Variants in SLC44A1 observed in about 807,000 individuals in gnomAD.
SLC44A1 encodes the protein choline transporter-like protein 1.
In SLC44A1, 26 loss-of-function variants were observed where a neutral mutation model predicts 79.3. The observed-to-expected ratio is 0.33, with a 90% CI of 0.24 to 0.46. The LOEUF (loss-of-function observed/expected upper bound fraction) is 0.46. SLC44A1 is among the 20% of genes least tolerant of loss of function. SLC44A1 has a pLI of 1.00. For missense variants in SLC44A1, 688 were observed against 798.1 expected (o/e 0.86, Z 1.66); for synonymous variants, 263 against 286.2 (o/e 0.92, Z 0.82).
intron 13 of SLC44A1, among the ~76,000 whole-genome samples, chr9:105,378,002 C>G (rs1828347196): frequency 6.6e-6 from 1 of 152,186 alleles, no homozygotes; most frequent in African/African-American, 2.4e-5. Context: ...AATCCCAACA[C>G]TTTGGGAGGC....
At chr9:105,409,684 T>A (rs1829071392) in intron 15 of SLC44A1, among the ~76,000 whole-genome samples, 1 of 152,068 alleles carries the variant, frequency 6.6e-6, no homozygotes, top group Non-Finnish European at 1.5e-5. Context: ...AAAATAAGCA[T>A]ATGTGCATCT....
At chr9:105,319,739 T>C (rs1436001318) in intron 3 of SLC44A1, among the ~76,000 whole-genome samples, 1 of 152,194 alleles carries the variant, frequency 6.6e-6, no homozygotes, top group African/African-American at 2.4e-5. Flanking sequence ...CTCCCAGAAG[T>C]GAAGGGCAAA....
intron 9 of SLC44A1, among the ~76,000 whole-genome samples, chr9:105,364,058 T>TG (rs1442875986): frequency 6.6e-6 from 1 of 152,234 alleles, no homozygotes; most frequent in African/African-American, 2.4e-5. Flanking sequence ...CACTCAGACT[T>TG]TCTTACAGCC....
At chr9:105,264,320 C>T (rs570704185) in intron 1 of SLC44A1, among the ~76,000 whole-genome samples, 39 of 152,246 alleles carry the variant, frequency 2.6e-4, no homozygotes, top group Non-Finnish European at 4.1e-4. Context: ...TGCACCACCA[C>T]GCCTAGCTGA....
chr9:105,247,193 G>GT (rs1328557605), intron 1 of SLC44A1, among the ~76,000 whole-genome samples: 2 of 151,942 alleles, frequency 1.3e-5, no homozygotes, highest in South Asian at 2.1e-4. Context: ...AGCATTACCA[G>GT]TTTTAGAATA....
chr9:105,378,077 G>A (rs962207867), intron 13 of SLC44A1, among the ~76,000 whole-genome samples: 3 of 152,090 alleles, frequency 2.0e-5, no homozygotes, highest in African/African-American at 4.8e-5. Context: ...GGGAAACCCC[G>A]TCTCCACTGA....
rs1208599892 is a variant in SLC44A1, at chr9:105,390,578, A to G, written c.*1522A>G. On this transcript the variant is annotated 3_prime_UTR_variant, in exon 16 of 16. Transcript: ENST00000374720. ...ATACAAGTAATGTCACTAGGGCTTA[A>G]TAAGCAGCCGTTTGCTAATGTGCTT... 1.0e-6 allele frequency: 1 copy of G among 985,748 alleles called. No homozygotes were observed. The highest frequency in any genetic ancestry group is 1.2e-6 in the Non-Finnish European group (1 of 829,934). 61.1% of individuals were successfully genotyped at this position (985,748 alleles called of 1,614,324 possible).
chr9:105,325,481 A>G (rs926252187), intron 3 of SLC44A1, among the ~76,000 whole-genome samples: 6 of 152,230 alleles, frequency 3.9e-5, no homozygotes, highest in African/African-American at 1.4e-4. Context: ...TGGAGGTTCT[A>G]CATCTCATGA....
At chr9:105,329,219 G>GCCTGT (rs1826676967) in intron 3 of SLC44A1, among the ~76,000 whole-genome samples, 2 of 152,206 alleles carry the variant, frequency 1.3e-5, no homozygotes, top group Non-Finnish European at 2.9e-5. Context: ...ATTGATATGA[G>GCCTGT]GTAATAATTG....
Position 105,389,814 on chromosome 9 carries a change from G to A in SLC44A1, c.*758G>A. ...CTTTCTTTCCTTTTTGACTTTAGTA[G>A]CATCCTCCACACATTTGTGTGCCTG... is the stretch of plus-strand genomic sequence containing the variant. On this transcript the variant is annotated 3_prime_UTR_variant, in exon 16 of 16. Coordinates refer to ENST00000374720, the MANE Select transcript of SLC44A1 (RefSeq NM_080546.5). 7.2e-7 allele frequency: 1 copy of A among 1,384,648 alleles called. No individual in the cohort carries two copies. Among genetic ancestry groups the A allele is most frequent in the South Asian group, 1.9e-5 (1 of 53,922 alleles). 85.8% of individuals were successfully genotyped at this position (1,384,648 alleles called of 1,614,324 possible).
chr9:105,385,377 C>T, intron 14 of SLC44A1, 45 bp from the exon 15 acceptor site: 1 of 1,390,118 alleles, frequency 7.2e-7, no homozygotes, highest in Non-Finnish European at 1.0e-6. Flanking sequence ...ACTAACAAAT[C>T]TGAAAGGACC....
At chr9:105,337,250 G>A (rs1008099827) in intron 4 of SLC44A1, among the ~76,000 whole-genome samples, 8 of 152,074 alleles carry the variant, frequency 5.3e-5, no homozygotes, top group Non-Finnish European at 1.0e-4. Flanking sequence ...CTATTGTTTG[G>A]GTTCAGATGT....
In SLC44A1 at chr9:105,363,002, C is replaced by T; in HGVS notation, c.1082C>T (p.Thr361Ile). The T allele has an allele frequency of 1.2e-6, 2 of 1,602,194 alleles. No homozygotes were observed. The highest frequency in any genetic ancestry group is 1.7e-6 in the Non-Finnish European group (2 of 1,174,584). Residue 361 changes from threonine (T) to isoleucine (I), a missense_variant, in exon 9 of 16, where the codon ACT becomes ATT. Thr to Ile is a moderately conservative substitution (Grantham distance 89, BLOSUM62 -1). Transcript: ENST00000374720. Reference protein sequence around the residue: ...YWIMTLLFLGTTGSPVQNEQG... With the variant: ...YWIMTLLFLGITGSPVQNEQG... ...ATCATGACACTTCTTTTTCTTGGCA[C>T]TACCGGTAAGAAGATAAGCTTCTTT...
At chr9:105,354,016 G>T (rs1376881147) in intron 5 of SLC44A1, among the ~76,000 whole-genome samples, 1 of 128,852 alleles carries the variant, frequency 7.8e-6, no homozygotes, top group Non-Finnish European at 1.6e-5. Flanking sequence ...AGCTTCTATT[G>T]ACTTAGAAAT....
chr9:105,412,910 C>T (rs969659475), intron 15 of SLC44A1, among the ~76,000 whole-genome samples: 3 of 151,992 alleles, frequency 2.0e-5, no homozygotes, highest in African/African-American at 7.3e-5. Context: ...GCCTACTCTG[C>T]ATTACTTTTT....
chr9:105,375,805 A>G (rs942610703), intron 13 of SLC44A1, among the ~76,000 whole-genome samples: 1 of 152,228 alleles, frequency 6.6e-6, no homozygotes, highest in African/African-American at 2.4e-5. Flanking sequence ...GTATTAAACC[A>G]TAAAATGCTC....
chr9:105,342,985 A>ATAT lies in SLC44A1; in HGVS notation c.407-5373_407-5372insTAT, dbSNP rs200233725. On this transcript the variant is annotated intron_variant, in intron 4 of 15. Coordinates refer to ENST00000374720, the MANE Select transcript of SLC44A1 (RefSeq NM_080546.5). ...CAAGATCCTTGTCTCTAAAAAAAAA[A>ATAT]AAATATATATATATAAATAAATAGA... is the stretch of plus-strand genomic sequence containing the variant. Among the ~76,000 whole-genome samples the ATAT allele has an allele frequency of 5.8e-5, 8 of 137,434 alleles. 1 individual carries two copies. In the South Asian group the frequency reaches 1.8e-3, roughly 31 times the overall value. 90.2% of individuals were successfully genotyped at this position (137,434 alleles called of 152,430 possible).
intron 5 of SLC44A1, 69 bp from the exon 6 acceptor site, chr9:105,356,143 G>A: frequency 8.5e-7 from 1 of 1,181,576 alleles, no homozygotes; most frequent in East Asian, 2.3e-5. Context: ...TTTCATTTGT[G>A]TGTTTGATGT....
chr9:105,333,889 G>A (rs1042621805), intron 3 of SLC44A1, among the ~76,000 whole-genome samples: 8 of 152,038 alleles, frequency 5.3e-5, no homozygotes, highest in Non-Finnish European at 8.8e-5. Context: ...GGTGGTGGTG[G>A]TAGCAGTAGT....
Sources: allele counts gnomAD v4.1 joint callset (sites outside exome capture counted in the v4.1 genomes callset), GRCh38; gene constraint gnomAD v4.1.1; transcripts MANE v1.5; gene names NCBI Gene and HGNC (gene_info 2026-07-23, HGNC 2026-07-21).